Variants in SPON1 observed in about 807,000 individuals in gnomAD.
SPON1 encodes spondin-1.
In SPON1, 52 loss-of-function variants were observed where a neutral mutation model predicts 111.7. The observed-to-expected ratio is 0.47, with a 90% CI of 0.37 to 0.59. The LOEUF is 0.59. SPON1 is among the 20% of genes least tolerant of loss of function. The probability of loss-of-function intolerance (pLI) is 0.00; values close to 1 mark genes in which losing one functional copy is unlikely to be tolerated. For synonymous variants in SPON1, 410 were observed against 395.8 expected, an observed-to-expected ratio of 1.04 and a Z score of -0.43; for missense variants, 957 against 1,068.5, an observed-to-expected ratio of 0.90 and a Z score of 1.46.
At chr11:14,164,436 T>C (rs1848003482) in intron 6 of SPON1, among the ~76,000 whole-genome samples, 1 of 152,174 alleles carries the variant, frequency 6.6e-6, no homozygotes, top group Admixed American at 6.5e-5. Context: ...AAAAATAATG[T>C]GTGCAATTTC....
intron 3 of SPON1, among the ~76,000 whole-genome samples, chr11:14,060,026 G>C (rs536289961): frequency 3.1e-4 from 47 of 152,252 alleles, no homozygotes; most frequent in African/African-American, 1.1e-3. Flanking sequence ...ATGGGAATCA[G>C]GAGCAAAGGC....
At chr11:14,013,117 C>T (rs1287599772) in intron 2 of SPON1, among the ~76,000 whole-genome samples, 3 of 152,182 alleles carry the variant, frequency 2.0e-5, no homozygotes, top group Non-Finnish European at 4.4e-5. Context: ...TAGGATGTTG[C>T]TTCTCCTTCA....
At position 14,109,714 on chromosome 11, in the gene SPON1, G is replaced by A. The variant is rs138432845; in HGVS notation, c.677-25706G>A. ...TCCCCCAATAAAGGATAAGTTCCAG[G>A]AACTGTAACTACCCTTTGTTCATTT... On this transcript the variant is annotated intron_variant, in intron 5 of 15. Transcript: ENST00000576479. 3.6e-4 allele frequency among the ~76,000 whole-genome samples: 55 copies of A among 152,138 alleles called. No homozygotes were observed. In the East Asian group the frequency reaches 0.01, roughly 28 times the overall value.
At chr11:14,145,908 G>T (rs1212075345) in intron 6 of SPON1, among the ~76,000 whole-genome samples, 1 of 152,054 alleles carries the variant, frequency 6.6e-6, no homozygotes, top group Non-Finnish European at 1.5e-5. Flanking sequence ...ATAGTTAGAT[G>T]GGAAAAAAGC....
Position 14,267,936 on chromosome 11 carries a change from A to T in SPON1, c.*2249A>T, listed in dbSNP as rs1308292122. 5.3e-5 allele frequency: 8 copies of T among 152,192 alleles called. No individual in the cohort carries two copies. Among genetic ancestry groups the T allele is most frequent in the African/African-American group, 1.9e-4 (8 of 41,438 alleles). 9.4% of individuals were successfully genotyped at this position (152,192 alleles called of 1,614,324 possible). A position where few individuals can be genotyped will look rare whatever the true frequency, so the allele number is the denominator to read the frequency against. ...TTTTTTCAATGCCAAACCAGCTGTG[A>T]TCCAATTTACATCCACATTTTAGGT... On this transcript the variant is annotated 3_prime_UTR_variant, in exon 16 of 16. Coordinates refer to ENST00000576479, the MANE Select transcript of SPON1 (RefSeq NM_006108.4).
At position 14,243,374 on chromosome 11, in the gene SPON1, C is replaced by T; in HGVS notation, c.868C>T (p.Pro290Ser). ...LTVIKAKAQWPAWQPLNVRAA... is the reference protein window; with the variant it reads ...LTVIKAKAQWSAWQPLNVRAA... ...CGTCATCAAAGCCAAAGCCCAATGG[C>T]CAGCCTGGCAGCCTCTCAACGTGTA... Residue 290 changes from proline (P) to serine (S), a missense_variant, in exon 7 of 16, where the codon CCA becomes TCA. This residue lies in a region of SPON1 where 122 missense variants were observed against 143.2 expected (regional missense o/e 0.85). Transcript: ENST00000576479. 1 of 1,578,968 alleles carries T rather than the reference C, an allele frequency of 6.3e-7. No individual in the cohort carries two copies. The highest frequency in any genetic ancestry group is 8.6e-7 in the Non-Finnish European group (1 of 1,161,754).
chr11:14,196,216 C>T (rs1277479944), intron 6 of SPON1, among the ~76,000 whole-genome samples: 2 of 152,166 alleles, frequency 1.3e-5, no homozygotes, highest in Non-Finnish European at 2.9e-5. Context: ...CTCCCTTCTC[C>T]TGGCCTTAGG....
chr11:13,977,413 A>G (rs1390941184), intron 1 of SPON1, among the ~76,000 whole-genome samples: 4 of 152,072 alleles, frequency 2.6e-5, no homozygotes, highest in African/African-American at 9.7e-5. Flanking sequence ...TTTAATTTTT[A>G]TTTCCCTATT....
rs560807974 is a variant in SPON1 at position 14,156,937 on chromosome 11, A to G, written c.825+21369A>G. ...GGAAGTCTGCCCCCATGATTCAATC[A>G]CCTCTGACCAGACCCCTTCTCCAAC... is the stretch of plus-strand genomic sequence containing the variant. On this transcript the variant is annotated intron_variant, in intron 6 of 15. Coordinates refer to ENST00000576479, the MANE Select transcript of SPON1 (RefSeq NM_006108.4). Among the ~76,000 whole-genome samples the G allele has an allele frequency of 2.0e-5, 3 of 152,274 alleles. No homozygotes were observed. The South Asian group carries it at 6.2e-4, about 32-fold the overall frequency.
chr11:14,080,311 CT>C (rs1306267030), intron 5 of SPON1, among the ~76,000 whole-genome samples: 1 of 152,082 alleles, frequency 6.6e-6, no homozygotes, highest in East Asian at 1.9e-4. Flanking sequence ...TCACTGCAAC[CT>C]CCGCCTCCCG....
chr11:14,117,855 A>G (rs1849277779), intron 5 of SPON1, among the ~76,000 whole-genome samples: 1 of 152,216 alleles, frequency 6.6e-6, no homozygotes, highest in African/African-American at 2.4e-5. Context: ...CAGTGTGTCC[A>G]CTGTCACATT....
intron 3 of SPON1, among the ~76,000 whole-genome samples, chr11:14,050,925 T>A (rs139249611): frequency 1.3e-5 from 2 of 152,312 alleles, no homozygotes; most frequent in Non-Finnish European, 2.9e-5. Context: ...TGCTGCAGCA[T>A]CAGAGAAGCT....
At chr11:14,187,242 C>T (rs1554934154) in intron 6 of SPON1, among the ~76,000 whole-genome samples, 2 of 152,154 alleles carry the variant, frequency 1.3e-5, no homozygotes, top group African/African-American at 4.8e-5. Context: ...ATGAGGGATC[C>T]ACCTGCATGA....
At chr11:14,258,889 G>C (rs1554941535) in intron 11 of SPON1, among the ~76,000 whole-genome samples, 1 of 152,164 alleles carries the variant, frequency 6.6e-6, no homozygotes, top group Non-Finnish European at 1.5e-5. Context: ...GCTAAGCTGA[G>C]GAGCTGAGGT....
chr11:14,163,716 A>G (rs11023120), intron 6 of SPON1, among the ~76,000 whole-genome samples: 59,657 of 151,966 alleles, frequency 0.39, 11,969 homozygotes, highest in East Asian at 0.55. Flanking sequence ...TCAGAAACTT[A>G]CTACATTCTT....
At chr11:13,982,977 C>G in intron 2 of SPON1, 24 bp downstream of exon 2, 4 of 1,457,888 alleles carry the variant, frequency 2.7e-6, no homozygotes, top group Non-Finnish European at 3.8e-6. Context: ...TGGGCTTATT[C>G]AGTGGCCCTC....
At chr11:14,066,208 A>G (rs1848831048) in intron 3 of SPON1, among the ~76,000 whole-genome samples, 1 of 152,244 alleles carries the variant, frequency 6.6e-6, no homozygotes, top group African/African-American at 2.4e-5. Context: ...GTAATTTTTC[A>G]GTAACATCAA....
intron 9 of SPON1, among the ~76,000 whole-genome samples, chr11:14,256,253 GAAAAAAGAAA>G (rs1849105917): frequency 2.0e-5 from 3 of 151,358 alleles, no homozygotes; most frequent in East Asian, 1.9e-4. Flanking sequence ...ATCTCAAAAA[GAAAAAAGAAA>G]AAAAAAGAAA....
chr11:13,987,129 G>A (rs1022716434), intron 2 of SPON1, among the ~76,000 whole-genome samples: 4 of 152,158 alleles, frequency 2.6e-5, no homozygotes, highest in Non-Finnish European at 2.9e-5. Context: ...GATCTTTGAG[G>A]AATCACTACA....
Sources: gnomAD v4.1 joint callset for allele counts (sites outside exome capture counted in the v4.1 genomes callset) on GRCh38, gnomAD v4.1.1 for gene constraint, gnomAD v4.1.1 regional missense constraint, MANE v1.5 for transcripts, NCBI Gene and HGNC (gene_info 2026-07-23, HGNC 2026-07-21) for gene names.